Variants in SLMAP observed in about 807,000 individuals in gnomAD.
SLMAP encodes sarcolemmal membrane-associated protein.
A neutral mutation model predicts 128.8 loss-of-function variants in SLMAP; 44 were observed. The ratio of observed to expected loss-of-function variants is 0.34; its 90% CI spans 0.27 to 0.44. The LOEUF (loss-of-function observed/expected upper bound fraction) is 0.44, where lower values mean the gene tolerates loss of function less well. SLMAP is among the 20% of genes least tolerant of loss of function. The pLI is 1.00. For missense variants in SLMAP, 787 were observed against 985.3 expected, an observed-to-expected ratio of 0.80 and a Z score of 2.69; for synonymous variants, 327 against 348.8, an observed-to-expected ratio of 0.94 and a Z score of 0.70.
chr3:57,906,841 GAT>G (rs2153680822), intron 17 of SLMAP, among the ~76,000 whole-genome samples: 1 of 151,700 alleles, frequency 6.6e-6, no homozygotes, highest in East Asian at 1.9e-4. Context: ...CTTACCTGAT[GAT>G]ATATTTATTT....
intron 19 of SLMAP, 72 bp downstream of exon 19, chr3:57,909,222 G>C: frequency 1.8e-6 from 2 of 1,124,714 alleles, no homozygotes; most frequent in Non-Finnish European, 2.6e-6. Flanking sequence ...AGGAATGGAG[G>C]CCAGGCGCAG....
At chr3:57,917,896 A>T (rs1246774116) in intron 22 of SLMAP, 1 of 152,230 alleles carries the variant, frequency 6.6e-6, no homozygotes, top group Non-Finnish European at 1.5e-5. Flanking sequence ...TTCTTTATGA[A>T]TTAGAAGGAA....
intron 15 of SLMAP, chr3:57,891,255 A>G (rs1302343600): frequency 6.6e-6 from 1 of 151,588 alleles, no homozygotes; most frequent in Admixed American, 6.6e-5. Context: ...CTATCTTATC[A>G]CTTATATTTA....
intron 22 of SLMAP, 26 bp downstream of exon 22, chr3:57,917,103 C>T: frequency 6.2e-7 from 1 of 1,613,012 alleles, no homozygotes; most frequent in Non-Finnish European, 8.5e-7. Context: ...ATTATGAGCC[C>T]AATTATGGTT....
chr3:57,810,980 A>G (rs975672342), intron 2 of SLMAP, among the ~76,000 whole-genome samples: 1 of 152,150 alleles, frequency 6.6e-6, no homozygotes, highest in African/African-American at 2.4e-5. Flanking sequence ...TTCTGTTTAT[A>G]TGCTGACGAC....
chr3:57,906,748 C>CT (rs1480096322), intron 17 of SLMAP, among the ~76,000 whole-genome samples: 2 of 149,330 alleles, frequency 1.3e-5, no homozygotes, highest in African/African-American at 4.9e-5. Context: ...ATTCTTAGCT[C>CT]TTTTTTGATG....
In SLMAP at chr3:57,910,645, T is replaced by G. The variant is rs149860987; in HGVS notation, c.1699+1495T>G. 3.1e-3 allele frequency among the ~76,000 whole-genome samples: 471 copies of G among 152,344 alleles called. 3 individuals are homozygous for G. Among genetic ancestry groups the G allele is most frequent in the African/African-American group, 9.9e-3 (410 of 41,576 alleles). ...AGACCCCTGCCTGTCGAATGTTTAC[T>G]TCAAGCTTGAGCTCCTGGTATATTA... On this transcript the variant is annotated intron_variant, in intron 19 of 24. Transcript: ENST00000671191.
intron 2 of SLMAP, among the ~76,000 whole-genome samples, chr3:57,788,143 T>C (rs1449868850): frequency 6.6e-6 from 1 of 152,220 alleles, no homozygotes; most frequent in Non-Finnish European, 1.5e-5. Context: ...AAAGCAGTGG[T>C]GGTTTATAGA....
intron 2 of SLMAP, among the ~76,000 whole-genome samples, chr3:57,793,938 A>T (rs1576581584): frequency 6.6e-6 from 1 of 151,186 alleles, no homozygotes; most frequent in East Asian, 2.0e-4. Flanking sequence ...GTGATGGTGT[A>T]TTCCTGTAGC....
chr3:57,772,129 C>T (rs2081018510), intron 2 of SLMAP, among the ~76,000 whole-genome samples: 1 of 152,176 alleles, frequency 6.6e-6, no homozygotes, highest in African/African-American at 2.4e-5. Flanking sequence ...ACTATGTGAT[C>T]AAGATTGAGA....
intron 2 of SLMAP, among the ~76,000 whole-genome samples, chr3:57,786,652 G>T (rs532293187): frequency 1.3e-5 from 2 of 150,380 alleles, no homozygotes; most frequent in East Asian, 3.9e-4. Context: ...CGCCTCCCAG[G>T]TTCAAACGAT....
intron 2 of SLMAP, among the ~76,000 whole-genome samples, chr3:57,763,178 G>A (rs1290657891): frequency 6.6e-6 from 1 of 152,082 alleles, no homozygotes; most frequent in Non-Finnish European, 1.5e-5. Flanking sequence ...ACATGCTAGT[G>A]GTTGACATAG....
intron 14 of SLMAP, among the ~76,000 whole-genome samples, chr3:57,884,137 C>T (rs1284126238): frequency 6.6e-6 from 1 of 152,042 alleles, no homozygotes; most frequent in Non-Finnish European, 1.5e-5. Flanking sequence ...TCATGTTGCC[C>T]AGGCTGGTTT....
intron 13 of SLMAP, among the ~76,000 whole-genome samples, chr3:57,866,389 C>T (rs1305651801): frequency 6.6e-6 from 1 of 152,038 alleles, no homozygotes; most frequent in Non-Finnish European, 1.5e-5. Context: ...TTTTTTGGTT[C>T]TTTTTTGGTT....
chr3:57,913,289 C>G lies in SLMAP; in HGVS notation c.2138+14C>G. 9.0e-7 allele frequency: 1 copy of G among 1,112,056 alleles called. No homozygotes were observed. The highest frequency in any genetic ancestry group is 1.5e-5 in the African/African-American group (1 of 64,938). 68.9% of individuals were successfully genotyped at this position (1,112,056 alleles called of 1,614,324 possible). ...AGAATTGCACAAGTATGCAAGAACT[C>G]TCTGTTTTTCAGATATAAAATATTT... On this transcript the variant is annotated intron_variant, in intron 21 of 24. Transcript: ENST00000671191.
chr3:57,925,766 CA>C (rs1241340389), intron 23 of SLMAP, 78 bp from the exon 24 acceptor site: 1 of 933,522 alleles, frequency 1.1e-6, no homozygotes, highest in Non-Finnish European at 1.7e-6. Context: ...TCCTACCTCC[CA>C]CCCTACTGGG....
chr3:57,817,194 G>C (rs954103842), intron 2 of SLMAP, among the ~76,000 whole-genome samples: 1 of 152,144 alleles, frequency 6.6e-6, no homozygotes, highest in Non-Finnish European at 1.5e-5. Context: ...TAGGGTAAGA[G>C]GAACTGTAAT....
intron 2 of SLMAP, among the ~76,000 whole-genome samples, chr3:57,787,415 G>A (rs1204075388): frequency 6.6e-6 from 1 of 152,086 alleles, no homozygotes. Flanking sequence ...TTAGTTCATG[G>A]GGTCAAACAT....
rs543695466 is a variant in SLMAP, at chr3:57,925,240, C to A, written c.2446-605C>A. ...AAAGTGCTGGGATTACAGTCATGAG[C>A]CACTGCATTCGGCCTGCTCTGTCTT... On this transcript the variant is annotated intron_variant, in intron 23 of 24. Coordinates refer to ENST00000671191, the MANE Select transcript of SLMAP (RefSeq NM_001377540.1). 9.5e-4 allele frequency among the ~76,000 whole-genome samples: 144 copies of A among 151,278 alleles called. 1 individual carries two copies. The highest frequency in any genetic ancestry group is 1.8e-3 in the Non-Finnish European group (124 of 67,782).
Sources: gnomAD v4.1 joint callset for allele counts (sites outside exome capture counted in the v4.1 genomes callset) on GRCh38, gnomAD v4.1.1 for gene constraint, MANE v1.5 for transcripts, NCBI Gene and HGNC (gene_info 2026-07-23, HGNC 2026-07-21) for gene names.